The following LIG1 variants were observed in gnomAD, a reference collection of about 807,000 sequenced individuals.
LIG1 encodes ligase I, DNA, ATP-dependent.
In LIG1, 70 loss-of-function variants were observed where a neutral mutation model predicts 115.7. The observed-to-expected ratio is 0.60, with a 90% confidence interval of 0.50 to 0.74. LIG1 has a LOEUF of 0.74. LIG1 is among the 30% of genes least tolerant of loss of function. The probability of loss-of-function intolerance (pLI) is 0.00; values close to 1 mark genes in which losing one functional copy is unlikely to be tolerated. For synonymous variants in LIG1, 487 were observed against 495.3 expected, an observed-to-expected ratio of 0.98 and a Z score of 0.22; for missense variants, 1,115 against 1,225.6, an observed-to-expected ratio of 0.91 and a Z score of 1.35.
At chr19:48,116,506 G>A (rs144438240) in intron 26 of LIG1, among the ~76,000 whole-genome samples, 123 of 151,246 alleles carry the variant, frequency 8.1e-4, no homozygotes, top group African/African-American at 2.8e-3. Context: ...ACGGTAATTC[G>A]GGCTGAGAGG....
chr19:48,142,902 C>T (rs142966982), intron 11 of LIG1, among the ~76,000 whole-genome samples: 8 of 152,252 alleles, frequency 5.3e-5, no homozygotes, highest in South Asian at 2.1e-4. Context: ...CTTGGCCTCC[C>T]GATGTGCTGG....
At position 48,169,916 on chromosome 19, in the gene LIG1, C is replaced by A. The variant is rs563765221; in HGVS notation, c.-58+325G>T. 285 of 148,012 alleles carry A rather than the reference C, an allele frequency of 1.9e-3. 4 individuals are homozygous for A. The highest frequency in any genetic ancestry group is 6.9e-3 in the African/African-American group (261 of 37,572). The allele number at this position is 148,012 out of a possible 1,614,324, so 9.2% of individuals were successfully genotyped here. ...TGGCCCCGCCCACACAGTTTTCCCCCCCCCGGCCCCGCCCCTCAGTTCCAT... is the reference window on the plus strand; with the variant it reads ...TGGCCCCGCCCACACAGTTTTCCCCACCCCGGCCCCGCCCCTCAGTTCCAT... On this transcript the variant is annotated intron_variant, in intron 1 of 27. Coordinates refer to ENST00000263274, the MANE Select transcript of LIG1 (RefSeq NM_000234.3).
intron 16 of LIG1, among the ~76,000 whole-genome samples, chr19:48,134,297 C>T (rs535947292): frequency 2.0e-5 from 3 of 152,276 alleles, no homozygotes; most frequent in South Asian, 4.1e-4. Context: ...TCTGTCACCA[C>T]GAGACCAGCG....
At chr19:48,143,656 C>T (rs376910537) in intron 10 of LIG1, 57 bp from the exon 11 acceptor site, 36 of 1,468,090 alleles carry the variant, frequency 2.5e-5, no homozygotes, top group African/African-American at 7.0e-5. Flanking sequence ...CCATGCTGCC[C>T]GTCTGCACCC....
At chr19:48,126,232 T>C (rs537211594) in intron 21 of LIG1, among the ~76,000 whole-genome samples, 7 of 152,280 alleles carry the variant, frequency 4.6e-5, no homozygotes, top group Admixed American at 2.6e-4. Context: ...TATGACGGCA[T>C]GTGGCCTGGC....
intron 27 of LIG1, 65 bp from the exon 28 acceptor site, chr19:48,115,797 C>G (rs2032759025): frequency 1.3e-6 from 2 of 1,578,058 alleles, no homozygotes; most frequent in Non-Finnish European, 1.7e-6. Context: ...CCACAAGGTT[C>G]CAGAGAGGCC....
At chr19:48,153,815 T>A in intron 6 of LIG1, 57 bp downstream of exon 6, 2 of 177,034 alleles carry the variant, frequency 1.1e-5, no homozygotes, top group Non-Finnish European at 8.9e-6. Context: ...TCCTTCCTCT[T>A]GGCTTCACAC....
chr19:48,128,136 A>T, intron 19 of LIG1, 116 bp from the exon 20 acceptor site: 2 of 804,750 alleles, frequency 2.5e-6, no homozygotes, highest in East Asian at 4.9e-5. Context: ...GCACTAACAA[A>T]GAGGCAGGTG....
intron 20 of LIG1, 96 bp from the exon 21 acceptor site, chr19:48,127,444 C>T (rs1398983580): frequency 4.1e-5 from 9 of 217,924 alleles, no homozygotes; most frequent in Non-Finnish European, 5.0e-5. Context: ...CTCCCTCTCG[C>T]CCCACCTAAC....
Position 48,121,185 on chromosome 19 carries a change from C to T in LIG1, c.2370G>A (p.Leu790=). The change falls in exon 24 of 28, where the codon CTG becomes CTA. Residue 790 remains leucine (L), a synonymous_variant. Coordinates refer to ENST00000263274, the MANE Select transcript of LIG1 (RefSeq NM_000234.3). ...TCCCCAGGACCTTGCATATGGCCTGCAGCTCCTCACTGTCCTCGTCGTAGG... is the reference window on the plus strand; with the variant it reads ...TCCCCAGGACCTTGCATATGGCCTGTAGCTCCTCACTGTCCTCGTCGTAGG... ...LASYDEDSEE[L]QAICKLGTGF... 6.2e-7 allele frequency: 1 copy of T among 1,614,134 alleles called. No homozygotes were observed. The highest frequency in any genetic ancestry group is 1.1e-5 in the South Asian group (1 of 91,086).
chr19:48,117,833 A>T, intron 25 of LIG1, 52 bp from the exon 26 acceptor site: 1 of 1,600,950 alleles, frequency 6.2e-7, no homozygotes, highest in Non-Finnish European at 8.5e-7. Context: ...CTCAAAGTCA[A>T]GGCCAAGTGT....
intron 19 of LIG1, 62 bp from the exon 20 acceptor site, chr19:48,128,082 A>G: frequency 7.8e-7 from 1 of 1,274,968 alleles, no homozygotes; most frequent in Non-Finnish European, 1.1e-6. Context: ...GGAAAGACAA[A>G]CACGGGGAGA....
rs879508591 is a variant in LIG1, at chr19:48,157,238, C to T, written c.244-98G>A. 1.8e-5 allele frequency: 25 copies of T among 1,352,008 alleles called. No individual in the cohort carries two copies. In the Admixed American group the frequency reaches 5.1e-4, roughly 28 times the overall value. 83.8% of individuals were successfully genotyped at this position (1,352,008 alleles called of 1,614,324 possible). On this transcript the variant is annotated intron_variant, in intron 4 of 27. Coordinates refer to ENST00000263274, the MANE Select transcript of LIG1 (RefSeq NM_000234.3). ...AGGGGACTGAAACCTCTCTGTCTAC[C>T]CTCCTTTCTGACCCTATGGTCTCAG...
At chr19:48,152,897 A>AT (rs936584358) in intron 6 of LIG1, among the ~76,000 whole-genome samples, 29 of 152,284 alleles carry the variant, frequency 1.9e-4, no homozygotes, top group African/African-American at 6.7e-4. Flanking sequence ...AATTATGGTT[A>AT]TTTAAGAACA....
chr19:48,131,141 T>A lies in LIG1; in HGVS notation c.1756A>T (p.Ile586Phe), dbSNP rs2033996018. The A allele has an allele frequency of 6.2e-7, 1 of 1,613,998 alleles. No homozygotes were observed. The highest frequency in any genetic ancestry group is 1.7e-5 in the Admixed American group (1 of 60,002). Residue 586 changes from isoleucine to phenylalanine, a missense_variant, in exon 19 of 28, where the codon ATC becomes TTC. Coordinates refer to ENST00000263274, the MANE Select transcript of LIG1 (RefSeq NM_000234.3). ...IHALEGGEVK[I>F]FSRNQEDNTG... The stretch of plus-strand genomic sequence containing the variant: ...TTGTCTTCCTGATTCCTGCTGAAGA[T>A]CTTCACCTCCCCGCCTTCCAGGGCG...
chr19:48,138,545 G>A (rs1460068354), intron 12 of LIG1, among the ~76,000 whole-genome samples: 1 of 152,168 alleles, frequency 6.6e-6, no homozygotes, highest in African/African-American at 2.4e-5. Context: ...GGATGTTATC[G>A]AATCACACAT....
intron 21 of LIG1, among the ~76,000 whole-genome samples, chr19:48,126,853 C>T (rs1379634245): frequency 6.6e-6 from 1 of 151,720 alleles, no homozygotes; most frequent in Non-Finnish European, 1.5e-5. Flanking sequence ...GCTCTGATTA[C>T]AGGCGTGAAC....
intron 2 of LIG1, among the ~76,000 whole-genome samples, chr19:48,165,119 C>CGTG (rs2123068009): frequency 6.6e-6 from 1 of 152,222 alleles, no homozygotes; most frequent in South Asian, 2.1e-4. Context: ...ATTAGCCAGG[C>CGTG]GTGGTGGCAC....
Position 48,137,879 on chromosome 19 carries a change from AG to A in LIG1, c.1088-192del. ...ACGTGCCCCCAGCCACGCTGGCTGT[AG>A]GAAGTCAGCAAACATGCACGTGGAG... On this transcript the variant is annotated intron_variant, in intron 12 of 27. Coordinates refer to ENST00000263274, the MANE Select transcript of LIG1 (RefSeq NM_000234.3). The surrounding 1 kb of genome is among the most constrained non-coding windows in gnomAD (Gnocchi z 4.3). 1 of 675,434 alleles carries A rather than the reference AG, an allele frequency of 1.5e-6. No homozygotes were observed. Among genetic ancestry groups the A allele is most frequent in the Admixed American group, 2.4e-5 (1 of 41,554 alleles). The allele number at this position is 675,434 out of a possible 1,614,324, so 41.8% of individuals were successfully genotyped here.
Sources: gnomAD v4.1 joint callset for allele counts (sites outside exome capture counted in the v4.1 genomes callset) on GRCh38, gnomAD v4.1.1 for gene constraint, Gnocchi (gnomAD v3.1) non-coding constraint, MANE v1.5 for transcripts, NCBI Gene and HGNC (gene_info 2026-07-23, HGNC 2026-07-21) for gene names.